SPRED2: variants seen among roughly 807,000 people sequenced by gnomAD.
SPRED2 encodes sprouty related EVH1 domain containing 2, also known as sprouty-related, EVH1 domain-containing protein 2.
A neutral mutation model predicts 43.0 loss-of-function variants in SPRED2; 47 were observed. That is an observed-to-expected ratio of 1.09 (90% CI 0.87 to 1.40). The LOEUF (loss-of-function observed/expected upper bound fraction) is 1.40. SPRED2 is among the 40% of genes most tolerant of loss of function. The pLI is 0.00. For synonymous variants in SPRED2, 225 were observed against 225.7 expected, an observed-to-expected ratio of 1.00 and a Z score of 0.03; for missense variants, 561 against 586.4, an observed-to-expected ratio of 0.96 and a Z score of 0.45.
At chr2:65,319,535 G>A (rs186699927) in intron 4 of SPRED2, among the ~76,000 whole-genome samples, 16 of 152,210 alleles carry the variant, frequency 1.1e-4, no homozygotes, top group Non-Finnish European at 2.1e-4. Flanking sequence ...TCTCTTTTGT[G>A]ACTTAAGCCA....
chr2:65,330,063 AC>A (rs1378542673), intron 4 of SPRED2, among the ~76,000 whole-genome samples: 1 of 151,954 alleles, frequency 6.6e-6, no homozygotes, highest in African/African-American at 2.4e-5. Context: ...GTCCAGCCTC[AC>A]CCCCAGCGAG....
intron 1 of SPRED2, among the ~76,000 whole-genome samples, chr2:65,350,838 C>T (rs1201229292): frequency 2.0e-5 from 3 of 152,214 alleles, no homozygotes; most frequent in Admixed American, 6.5e-5. Flanking sequence ...TAGGAGATGA[C>T]GGCGAGGCAG....
chr2:65,352,981 G>A (rs781273600), intron 1 of SPRED2, among the ~76,000 whole-genome samples: 1 of 152,148 alleles, frequency 6.6e-6, no homozygotes, highest in Non-Finnish European at 1.5e-5. Context: ...TTTTTAAATG[G>A]TATGGAATGA....
At chr2:65,307,958 C>A (rs895664035), downstream of SPRED2, among the ~76,000 whole-genome samples, 6 of 152,066 alleles carry the variant, frequency 3.9e-5, no homozygotes, top group Non-Finnish European at 7.4e-5. Context: ...CCGCCCCCCC[C>A]ATTCACACAG....
chr2:65,355,365 T>C (rs775248264), intron 1 of SPRED2, among the ~76,000 whole-genome samples: 2 of 152,154 alleles, frequency 1.3e-5, no homozygotes, highest in Admixed American at 1.3e-4. Context: ...TAGTTCTGAG[T>C]TTTTTTCAAA....
At chr2:65,402,412 G>A (rs1032050168) in intron 1 of SPRED2, among the ~76,000 whole-genome samples, 2 of 152,060 alleles carry the variant, frequency 1.3e-5, no homozygotes, top group African/African-American at 4.8e-5. Context: ...TGTAGGGGAT[G>A]AGAAGTTCTC....
At chr2:65,392,577 G>A (rs1475463954) in intron 1 of SPRED2, among the ~76,000 whole-genome samples, 1 of 151,888 alleles carries the variant, frequency 6.6e-6, no homozygotes, top group South Asian at 2.1e-4. Context: ...TAAGGATTTC[G>A]TTTTTTTAGT....
chr2:65,324,750 A>C (rs1409751318), intron 4 of SPRED2, among the ~76,000 whole-genome samples: 1 of 152,170 alleles, frequency 6.6e-6, no homozygotes, highest in African/African-American at 2.4e-5. Context: ...CTGAGGAGAC[A>C]GGTTGCTTAA....
intron 1 of SPRED2, chr2:65,366,752 T>C: frequency 6.8e-7 from 1 of 1,469,628 alleles, no homozygotes; most frequent in South Asian, 1.4e-5. Context: ...TCAGTCTCCT[T>C]GACAAATATA....
chr2:65,320,885 G>GA (rs1673389199), intron 4 of SPRED2, among the ~76,000 whole-genome samples: 1 of 152,204 alleles, frequency 6.6e-6, no homozygotes, highest in Non-Finnish European at 1.5e-5. Flanking sequence ...GTGGGCTGCA[G>GA]AAAAGCAGCC....
At chr2:65,418,366 C>T (rs768267125) in intron 1 of SPRED2, among the ~76,000 whole-genome samples, 2 of 152,042 alleles carry the variant, frequency 1.3e-5, no homozygotes, top group Non-Finnish European at 2.9e-5. Flanking sequence ...ATGGAGTGTC[C>T]CTATCTGTGG....
chr2:65,324,886 G>A (rs1282117652), intron 4 of SPRED2, among the ~76,000 whole-genome samples: 2 of 152,138 alleles, frequency 1.3e-5, no homozygotes, highest in Admixed American at 6.6e-5. Context: ...AGTACTATGC[G>A]CATCCCTTCA....
chr2:65,422,104 A>ACACT (rs1299857849), intron 1 of SPRED2, among the ~76,000 whole-genome samples: 136 of 129,014 alleles, frequency 1.1e-3, no homozygotes, highest in African/African-American at 1.6e-3. Context: ...ACACACACAC[A>ACACT]CTCTCTCTCT....
In SPRED2 at chr2:65,370,494, A is replaced by C. The variant is rs984321065; in HGVS notation, c.27-25598T>G. ...AACCATACGGTCCCCAAAGCTGAAA[A>C]TATTTACCATCTAACTTTCATAGAG... On this transcript the variant is annotated intron_variant, in intron 1 of 5. Coordinates refer to ENST00000356388, the MANE Select transcript of SPRED2 (RefSeq NM_181784.3). 2.6e-5 allele frequency among the ~76,000 whole-genome samples: 4 copies of C among 152,218 alleles called. No individual in the cohort carries two copies. The East Asian group carries it at 7.7e-4, about 29-fold the overall frequency.
chr2:65,404,939 C>T (rs1675989237), intron 1 of SPRED2, among the ~76,000 whole-genome samples: 1 of 152,218 alleles, frequency 6.6e-6, no homozygotes, highest in Non-Finnish European at 1.5e-5. Context: ...TGCTCCCTAA[C>T]AGGCCTTTAA....
chr2:65,431,948 G>A lies in SPRED2; in HGVS notation c.26+14C>T, dbSNP rs201658743. On this transcript the variant is annotated intron_variant, in intron 1 of 5. Transcript: ENST00000356388. ...CTGAGGGGCACCCTCGTCCCACCCC[G>A]CGACCAAACTTACTCGTCTGGGTGT... The A allele has an allele frequency of 8.1e-6, 13 of 1,610,652 alleles. No individual in the cohort carries two copies. In the African/African-American group the frequency reaches 1.2e-4, roughly 15 times the overall value.
intron 1 of SPRED2, among the ~76,000 whole-genome samples, chr2:65,348,818 C>CA (rs553850224): frequency 8.7e-4 from 132 of 151,386 alleles, no homozygotes; most frequent in Middle Eastern, 3.4e-3. Flanking sequence ...CTATGGCTAA[C>CA]AGAATTCCTA....
At chr2:65,333,619 G>T (rs960792906) in intron 3 of SPRED2, among the ~76,000 whole-genome samples, 1 of 152,156 alleles carries the variant, frequency 6.6e-6, no homozygotes. Flanking sequence ...ACATGAAAAA[G>T]CTGTGTTTAA....
chr2:65,337,697 GA>G (rs1674007351), intron 2 of SPRED2, among the ~76,000 whole-genome samples: 1 of 152,162 alleles, frequency 6.6e-6, no homozygotes, highest in Non-Finnish European at 1.5e-5. Flanking sequence ...AGAGATACAG[GA>G]AGGTAAAATA....
Sources: allele counts gnomAD v4.1 joint callset (sites outside exome capture counted in the v4.1 genomes callset), GRCh38; gene constraint gnomAD v4.1.1; transcripts MANE v1.5; gene names NCBI Gene and HGNC (gene_info 2026-07-23, HGNC 2026-07-21).